The following INPP4B variants were observed in gnomAD, a reference collection of about 807,000 sequenced individuals.
INPP4B encodes the protein inositol polyphosphate-4-phosphatase type II B, also known as inositol polyphosphate 4-phosphatase type II.
A neutral mutation model predicts 122.5 loss-of-function variants in INPP4B; 55 were observed. That is an observed-to-expected ratio of 0.45 (90% CI 0.36 to 0.56). The LOEUF (loss-of-function observed/expected upper bound fraction) is 0.56, where lower values mean the gene tolerates loss of function less well. Ranked by LOEUF, INPP4B falls within the 20% of genes least tolerant of loss-of-function variation. The pLI, the probability that INPP4B is intolerant of heterozygous loss-of-function variation, is 0.00. For missense variants in INPP4B, 1,000 were observed against 1,097.7 expected, an observed-to-expected ratio of 0.91 and a Z score of 1.26; for synonymous variants, 403 against 388.7, an observed-to-expected ratio of 1.04 and a Z score of -0.43.
intron 2 of INPP4B, among the ~76,000 whole-genome samples, chr4:142,611,574 A>C (rs1259675897): frequency 1.3e-5 from 2 of 151,394 alleles, no homozygotes; most frequent in Admixed American, 6.6e-5. Flanking sequence ...ATTTGTGTGC[A>C]AAAAATAAAT....
chr4:142,298,725 C>G (rs943107757), intron 9 of INPP4B, among the ~76,000 whole-genome samples: 1 of 149,268 alleles, frequency 6.7e-6, no homozygotes, highest in African/African-American at 2.5e-5. Flanking sequence ...TAATTGGATC[C>G]TAAAATTCTA....
At chr4:142,800,388 T>C (rs566416975) in intron 1 of INPP4B, among the ~76,000 whole-genome samples, 9 of 152,280 alleles carry the variant, frequency 5.9e-5, no homozygotes, top group African/African-American at 1.9e-4. Context: ...CTAGTACTTA[T>C]TTACAAGGCT....
intron 9 of INPP4B, among the ~76,000 whole-genome samples, chr4:142,293,786 T>C (rs1289671694): frequency 1.3e-5 from 2 of 152,242 alleles, no homozygotes; most frequent in Non-Finnish European, 2.9e-5. Flanking sequence ...TGGAGTACGC[T>C]ACAAAGGGTA....
chr4:142,370,844 A>G (rs546703301), intron 7 of INPP4B, among the ~76,000 whole-genome samples: 310 of 152,258 alleles, frequency 2.0e-3, no homozygotes, highest in African/African-American at 7.2e-3. Flanking sequence ...TATTGTTAAA[A>G]TAATCATATT....
intron 14 of INPP4B, among the ~76,000 whole-genome samples, chr4:142,206,966 C>T (rs113955592): frequency 5.9e-5 from 9 of 151,998 alleles, no homozygotes; most frequent in Admixed American, 1.3e-4. Flanking sequence ...TTCAACCTCC[C>T]GAAGCCCCTG....
intron 2 of INPP4B, chr4:142,583,567 A>C (rs1337336711): frequency 5.3e-5 from 8 of 152,176 alleles, no homozygotes; most frequent in Non-Finnish European, 1.2e-4. Context: ...TCCGATTTCC[A>C]GACCCAGGTC....
intron 1 of INPP4B, among the ~76,000 whole-genome samples, chr4:142,750,096 G>A (rs1363023530): frequency 3.9e-5 from 6 of 151,918 alleles, no homozygotes; most frequent in Non-Finnish European, 8.8e-5. Flanking sequence ...CTCTTCAAGA[G>A]ATGAAGCACA....
intron 1 of INPP4B, among the ~76,000 whole-genome samples, chr4:142,748,517 G>T (rs927102390): frequency 6.6e-6 from 1 of 151,596 alleles, no homozygotes; most frequent in African/African-American, 2.4e-5. Context: ...AAACAAAATT[G>T]TAAAAATTAA....
At chr4:142,302,060 A>G (rs1761650985) in intron 9 of INPP4B, among the ~76,000 whole-genome samples, 1 of 152,174 alleles carries the variant, frequency 6.6e-6, no homozygotes, top group Non-Finnish European at 1.5e-5. Flanking sequence ...AGGTTGGTAG[A>G]GCAAAGGATT....
chr4:142,329,849 G>T (rs1414553684), intron 7 of INPP4B, among the ~76,000 whole-genome samples: 1 of 152,014 alleles, frequency 6.6e-6, no homozygotes, highest in Non-Finnish European at 1.5e-5. Flanking sequence ...TAAATTTAGT[G>T]CTAAATAATA....
intron 2 of INPP4B, among the ~76,000 whole-genome samples, chr4:142,482,608 T>C (rs1820695483): frequency 6.6e-6 from 1 of 152,180 alleles, no homozygotes; most frequent in South Asian, 2.1e-4. Context: ...CTCTCTTTTC[T>C]CTAAGAGACA....
At chr4:142,349,073 A>G (rs566215440) in intron 7 of INPP4B, among the ~76,000 whole-genome samples, 1 of 152,178 alleles carries the variant, frequency 6.6e-6, no homozygotes, top group Non-Finnish European at 1.5e-5. Flanking sequence ...TTTATTAGAT[A>G]CTGCTACATA....
rs1362875133 is a variant in INPP4B, at chr4:142,026,328, T to C, written c.*2454A>G. 1.3e-5 allele frequency: 2 copies of C among 152,220 alleles called. No homozygotes were observed. Among genetic ancestry groups the C allele is most frequent in the African/African-American group, 4.8e-5 (2 of 41,482 alleles). The allele number at this position is 152,220 out of a possible 1,614,324, so 9.4% of individuals were successfully genotyped here. On this transcript the variant is annotated 3_prime_UTR_variant, in exon 26 of 26. Coordinates refer to ENST00000262992, the MANE Select transcript of INPP4B (RefSeq NM_001101669.3). ...ATTGTTGTCTCTATGAAACACATTT[T>C]CTTGATGAAATCCACTTTTAGAAGT...
chr4:142,505,642 T>A (rs1399195860), intron 2 of INPP4B, among the ~76,000 whole-genome samples: 2 of 152,192 alleles, frequency 1.3e-5, no homozygotes, highest in African/African-American at 2.4e-5. Flanking sequence ...ATCATTCTTA[T>A]TGTAGTTATT....
chr4:142,335,806 C>A (rs1377184129), intron 7 of INPP4B, among the ~76,000 whole-genome samples: 1 of 152,332 alleles, frequency 6.6e-6, no homozygotes, highest in South Asian at 2.1e-4. Flanking sequence ...CACAAAGTAA[C>A]ACCAATGTGT....
At chr4:142,641,520 T>C (rs546056575) in intron 2 of INPP4B, among the ~76,000 whole-genome samples, 30 of 151,712 alleles carry the variant, frequency 2.0e-4, no homozygotes, top group Non-Finnish European at 3.5e-4. Flanking sequence ...ACATGCGGTG[T>C]TTGGTTTTTT....
intron 25 of INPP4B, among the ~76,000 whole-genome samples, chr4:142,031,404 G>A (rs1275997381): frequency 1.3e-5 from 2 of 152,038 alleles, no homozygotes; most frequent in Admixed American, 6.6e-5. Context: ...TTTTGACCAG[G>A]CATTGACCAC....
At chr4:142,111,165 C>A (rs551308001) in intron 22 of INPP4B, among the ~76,000 whole-genome samples, 71 of 151,988 alleles carry the variant, frequency 4.7e-4, no homozygotes, top group African/African-American at 1.6e-3. Flanking sequence ...TTTAAACTTA[C>A]CTGTGGGGCA....
At chr4:142,537,849 CA>C (rs1054208490) in intron 2 of INPP4B, among the ~76,000 whole-genome samples, 1 of 151,032 alleles carries the variant, frequency 6.6e-6, no homozygotes, top group African/African-American at 2.4e-5. Flanking sequence ...ATAATTATTG[CA>C]AAACTTACTT....
Sources: allele counts gnomAD v4.1 joint callset (sites outside exome capture counted in the v4.1 genomes callset), GRCh38; gene constraint gnomAD v4.1.1; transcripts MANE v1.5; gene names NCBI Gene and HGNC (gene_info 2026-07-23, HGNC 2026-07-21).